The following HCN1 variants were observed in gnomAD, a reference collection of about 807,000 sequenced individuals.
The protein encoded by HCN1 is potassium/sodium hyperpolarization-activated cyclic nucleotide-gated channel 1.
In HCN1, 13 loss-of-function variants were observed where a neutral mutation model predicts 78.9. That is an observed-to-expected ratio of 0.16 (90% CI 0.11 to 0.26). HCN1 has a LOEUF of 0.26. Ranked by LOEUF, HCN1 falls within the 10% of genes least tolerant of loss-of-function variation. The pLI is 1.00. For missense variants in HCN1, 810 were observed against 1,154.3 expected (o/e 0.70, Z 4.32); for synonymous variants, 552 against 455.5 (o/e 1.21, Z -2.70).
At position 45,349,225 on chromosome 5, in the gene HCN1, A is replaced by T. The variant is rs564092157; in HGVS notation, c.1377+3875T>A. On this transcript the variant is annotated intron_variant, in intron 5 of 7. Coordinates refer to ENST00000303230, the MANE Select transcript of HCN1 (RefSeq NM_021072.4). ...GAACTCAGGATTAAGAAACTCACTC[A>T]AAGCCACTCAACTACATGGAAACTG... is the stretch of plus-strand genomic sequence containing the variant. 2.4e-3 allele frequency among the ~76,000 whole-genome samples: 369 copies of T among 152,346 alleles called. 3 individuals are homozygous for T. The highest frequency in any genetic ancestry group is 8.3e-3 in the African/African-American group (346 of 41,580).
At chr5:45,496,328 G>C (rs1742029032) in intron 2 of HCN1, among the ~76,000 whole-genome samples, 1 of 151,288 alleles carries the variant, frequency 6.6e-6, no homozygotes. Flanking sequence ...GTTTAGTCTT[G>C]GGAGAGTGTA....
chr5:45,673,973 T>C (rs1055455246), intron 1 of HCN1, among the ~76,000 whole-genome samples: 2 of 151,642 alleles, frequency 1.3e-5, no homozygotes, highest in Non-Finnish European at 3.0e-5. Flanking sequence ...AAGTGAAATC[T>C]CTTGTGTAAT....
intron 4 of HCN1, among the ~76,000 whole-genome samples, chr5:45,377,730 A>C (rs1747713133): frequency 6.6e-6 from 1 of 152,028 alleles, no homozygotes; most frequent in African/African-American, 2.4e-5. Flanking sequence ...GATAGTTAGA[A>C]GTCAGGTAGG....
At chr5:45,504,557 C>T (rs1302056856) in intron 2 of HCN1, among the ~76,000 whole-genome samples, 4 of 152,102 alleles carry the variant, frequency 2.6e-5, no homozygotes, top group Non-Finnish European at 4.4e-5. Context: ...CCGCAATAAA[C>T]ATACGTGTGC....
At chr5:45,518,402 G>A (rs567857506) in intron 2 of HCN1, among the ~76,000 whole-genome samples, 151 of 152,116 alleles carry the variant, frequency 9.9e-4, no homozygotes, top group Middle Eastern at 3.4e-3. Flanking sequence ...AAGCATGGTG[G>A]TGTGGCAGCC....
intron 5 of HCN1, among the ~76,000 whole-genome samples, chr5:45,343,317 T>C (rs975134586): frequency 1.3e-5 from 2 of 152,294 alleles, no homozygotes; most frequent in African/African-American, 4.8e-5. Flanking sequence ...GACTAACTTA[T>C]GTAAATAAAA....
At chr5:45,656,507 G>C (rs571583078) in intron 1 of HCN1, among the ~76,000 whole-genome samples, 2 of 152,176 alleles carry the variant, frequency 1.3e-5, no homozygotes, top group Non-Finnish European at 2.9e-5. Flanking sequence ...GGGTTGCCAG[G>C]AGGAATACCA....
At chr5:45,322,280 C>G (rs1462813275) in intron 5 of HCN1, among the ~76,000 whole-genome samples, 1 of 151,806 alleles carries the variant, frequency 6.6e-6, no homozygotes. Context: ...TAGGTGAATA[C>G]TGTGTTTGTG....
At chr5:45,356,582 T>C (rs1313172206) in intron 4 of HCN1, among the ~76,000 whole-genome samples, 1 of 152,010 alleles carries the variant, frequency 6.6e-6, no homozygotes, top group Non-Finnish European at 1.5e-5. Flanking sequence ...CTAACTGTCA[T>C]AAAATGGTGT....
chr5:45,265,979 A>C (rs1744848485), intron 7 of HCN1, among the ~76,000 whole-genome samples: 1 of 152,148 alleles, frequency 6.6e-6, no homozygotes. Flanking sequence ...GGTGATATCT[A>C]AACAGAGAGA....
intron 1 of HCN1, among the ~76,000 whole-genome samples, chr5:45,653,274 C>T (rs995766400): frequency 1.9e-4 from 29 of 152,082 alleles, no homozygotes; most frequent in African/African-American, 6.5e-4. Context: ...TCCCTTTCAC[C>T]TGATCTCTAT....
Position 45,396,768 on chromosome 5 carries a change from T to A in HCN1, c.1012-58A>T, listed in dbSNP as rs762816050. On this transcript the variant is annotated intron_variant, in intron 3 of 7. Transcript: ENST00000303230. ...GCCATTAGGATGGCAGAATGAAAAG[T>A]GAGTAGGACCTGTACACAGAAGCAT... 3 of 1,262,502 alleles carry A rather than the reference T, an allele frequency of 2.4e-6. No homozygotes were observed. In the African/African-American group the frequency reaches 4.4e-5, roughly 19 times the overall value. The allele number at this position is 1,262,502 out of a possible 1,614,324, so 78.2% of individuals were successfully genotyped here.
intron 5 of HCN1, among the ~76,000 whole-genome samples, chr5:45,322,169 C>A (rs1197404575): frequency 6.6e-6 from 1 of 151,778 alleles, no homozygotes; most frequent in Non-Finnish European, 1.5e-5. Flanking sequence ...AGCTATACAA[C>A]AATTAATTTA....
At chr5:45,498,125 G>A (rs572398152) in intron 2 of HCN1, among the ~76,000 whole-genome samples, 1 of 152,238 alleles carries the variant, frequency 6.6e-6, no homozygotes, top group African/African-American at 2.4e-5. Flanking sequence ...GAATCTGAAT[G>A]TTGGCCTGCC....
chr5:45,538,889 T>A (rs1561193578), intron 2 of HCN1, among the ~76,000 whole-genome samples: 1 of 152,170 alleles, frequency 6.6e-6, no homozygotes, highest in Non-Finnish European at 1.5e-5. Context: ...CAATTGCTAG[T>A]TTCCAGGTTT....
intron 2 of HCN1, among the ~76,000 whole-genome samples, chr5:45,556,384 T>A (rs983613601): frequency 6.6e-6 from 1 of 152,034 alleles, no homozygotes; most frequent in African/African-American, 2.4e-5. Context: ...TCTTTTCTCC[T>A]ACTAAAATTA....
intron 3 of HCN1, among the ~76,000 whole-genome samples, chr5:45,437,463 A>G (rs1048440743): frequency 6.6e-6 from 1 of 152,250 alleles, no homozygotes; most frequent in African/African-American, 2.4e-5. Flanking sequence ...TTATAAATGT[A>G]TAGTATTTGA....
intron 4 of HCN1, among the ~76,000 whole-genome samples, chr5:45,393,188 C>A (rs189626050): frequency 2.3e-4 from 35 of 152,166 alleles, no homozygotes; most frequent in African/African-American, 8.4e-4. Context: ...AAAAGTCTTT[C>A]ATGTATATCA....
At chr5:45,303,912 TAA>T in intron 5 of HCN1, 73 bp from the exon 6 acceptor site, 1 of 1,289,700 alleles carries the variant, frequency 7.8e-7, no homozygotes, top group African/African-American at 1.5e-5. Flanking sequence ...TGCTGAAATT[TAA>T]AATATATACA....
Sources: gnomAD v4.1 joint callset for allele counts (sites outside exome capture counted in the v4.1 genomes callset) on GRCh38, gnomAD v4.1.1 for gene constraint, MANE v1.5 for transcripts, NCBI Gene and HGNC (gene_info 2026-07-23, HGNC 2026-07-21) for gene names.